FADS1: variants seen among roughly 807,000 people sequenced by gnomAD.
FADS1 encodes the protein acyl-CoA (8-3)-desaturase.
Under a neutral mutation model 61.6 loss-of-function variants are expected in FADS1, and 17 were observed. The ratio of observed to expected loss-of-function variants is 0.28; its 90% CI spans 0.19 to 0.41. The LOEUF is 0.41. Ranked by LOEUF, FADS1 falls within the 10% of genes least tolerant of loss-of-function variation. FADS1 has a pLI of 1.00. For missense variants in FADS1, 387 were observed against 650.9 expected (o/e 0.59, Z 4.41); for synonymous variants, 238 against 258.7 (o/e 0.92, Z 0.77).
At position 61,816,144 on chromosome 11, in the gene FADS1, G is replaced by A; in HGVS notation, c.375+411C>T. 1 of 934,448 alleles carries A rather than the reference G, an allele frequency of 1.1e-6. No individual in the cohort carries two copies. Among genetic ancestry groups the A allele is most frequent in the Non-Finnish European group, 1.6e-6 (1 of 637,116 alleles). The allele number at this position is 934,448 out of a possible 1,614,324, so 57.9% of individuals were successfully genotyped here. A position where few individuals can be genotyped will look rare whatever the true frequency, so the allele number is the denominator to read the frequency against. ...GGCTGCGCTGCCTCTCCTAGCCATC[G>A]AGACAGGATGTGACTCCCTCCCCTG... On this transcript the variant is annotated intron_variant, in intron 1 of 11. Coordinates refer to ENST00000350997, the MANE Select transcript of FADS1 (RefSeq NM_013402.7). This position sits in a 1 kb window ranked among gnomAD's most constrained non-coding sequence, Gnocchi z 7.0.
At chr11:61,812,287 G>A (rs1453541662) in intron 3 of FADS1, among the ~76,000 whole-genome samples, 184 bp downstream of exon 3, 2 of 152,304 alleles carry the variant, frequency 1.3e-5, no homozygotes, top group East Asian at 3.9e-4. Flanking sequence ...AAATGAAGAT[G>A]TCCATGTGGC....
At chr11:61,805,117 C>T in intron 6 of FADS1, 1 of 411,084 alleles carries the variant, frequency 2.4e-6, no homozygotes, top group Non-Finnish European at 4.3e-6. Context: ...TACATACACA[C>T]TCCAAGGATC....
At chr11:61,811,141 T>C in intron 3 of FADS1, 66 bp from the exon 4 acceptor site, 1 of 1,190,838 alleles carries the variant, frequency 8.4e-7, no homozygotes. Flanking sequence ...CTGACCTCGA[T>C]GCCTCCTTCA....
At position 61,803,291 on chromosome 11, in the gene FADS1, T is replaced by C. The variant is rs2066870376; in HGVS notation, c.1248+72A>G. ...ATGCTGTTTGGGGGACTTTTTGTTT[T>C]TGCTGTTTTCACCTACGCATCCTTT... is the stretch of plus-strand genomic sequence containing the variant. On this transcript the variant is annotated intron_variant, in intron 9 of 11. Coordinates refer to ENST00000350997, the MANE Select transcript of FADS1 (RefSeq NM_013402.7). This position sits in a 1 kb window ranked among gnomAD's most constrained non-coding sequence, Gnocchi z 4.3. 7.2e-7 allele frequency: 1 copy of C among 1,396,988 alleles called. No individual in the cohort carries two copies. The highest frequency in any genetic ancestry group is 1.7e-5 in the Admixed American group (1 of 59,540). The allele number at this position is 1,396,988 out of a possible 1,614,324, so 86.5% of individuals were successfully genotyped here.
Position 61,802,526 on chromosome 11 carries a change from G to A in FADS1, c.1455-64C>T, listed in dbSNP as rs1432406797. 10 of 1,445,412 alleles carry A rather than the reference G, an allele frequency of 6.9e-6. No individual in the cohort carries two copies. The East Asian group carries it at 1.7e-4, about 25-fold the overall frequency. 89.5% of individuals were successfully genotyped at this position (1,445,412 alleles called of 1,614,324 possible). The stretch of plus-strand genomic sequence containing the variant: ...AGCAGAGTTGAACCCACCGGAGATG[G>A]AGCAGTGAGGTTAAGGCCTTCTTCC... On this transcript the variant is annotated intron_variant, in intron 11 of 11. Transcript: ENST00000350997. The surrounding 1 kb of genome is among the most constrained non-coding windows in gnomAD (Gnocchi z 4.2).
Position 61,802,842 on chromosome 11 carries a change from G to A in FADS1, c.1413C>T (p.Tyr471=), listed in dbSNP as rs1193741781. The change falls in exon 11 of 12, where the codon TAC becomes TAT. Residue 471 remains tyrosine (Y), a synonymous_variant. Coordinates refer to ENST00000350997, the MANE Select transcript of FADS1 (RefSeq NM_013402.7). This position sits in a 1 kb window ranked among gnomAD's most constrained non-coding sequence, Gnocchi z 4.2. The stretch of plus-strand genomic sequence containing the variant: ...AGGCTGACAGCAGGGGCTTGGACTG[G>A]TACTCTATGCCATGCTTGGCACACA... ...QSLCAKHGIE[Y]QSKPLLSAFA... is the part of the protein sequence containing the mutation. The A allele has an allele frequency of 1.2e-6, 2 of 1,614,208 alleles. No individual in the cohort carries two copies. The highest frequency in any genetic ancestry group is 2.2e-5 in the South Asian group (2 of 91,080).
At chr11:61,809,253 A>G (rs573472084) in intron 5 of FADS1, among the ~76,000 whole-genome samples, 2 of 152,282 alleles carry the variant, frequency 1.3e-5, no homozygotes, top group South Asian at 2.1e-4. Flanking sequence ...TCTGATCATG[A>G]CTACCTCTCA....
At chr11:61,810,459 C>A (rs541764136) in intron 5 of FADS1, among the ~76,000 whole-genome samples, 30 of 152,290 alleles carry the variant, frequency 2.0e-4, no homozygotes, top group African/African-American at 7.2e-4. Context: ...CAAGGATAGG[C>A]TATCTCATCA....
rs1252647144 is a variant in FADS1, at chr11:61,801,028, T to C, written c.*1383A>G. 6.6e-6 allele frequency: 1 copy of C among 152,376 alleles called. No individual in the cohort carries two copies. Among genetic ancestry groups the C allele is most frequent in the Non-Finnish European group, 1.5e-5 (1 of 68,034 alleles). The allele number at this position is 152,376 out of a possible 1,614,324, so 9.4% of individuals were successfully genotyped here. A position where few individuals can be genotyped will look rare whatever the true frequency, so the allele number is the denominator to read the frequency against. On this transcript the variant is annotated 3_prime_UTR_variant, in exon 12 of 12. Coordinates refer to ENST00000350997, the MANE Select transcript of FADS1 (RefSeq NM_013402.7). ...TTGAACAAGAGTGGACAGAGTAAGATACCTAGCTACAGCAATAGAAATCAC... is the reference window on the plus strand; with the variant it reads ...TTGAACAAGAGTGGACAGAGTAAGACACCTAGCTACAGCAATAGAAATCAC...
chr11:61,812,854 A>T (rs2066941398), intron 2 of FADS1, among the ~76,000 whole-genome samples, 186 bp from the exon 3 acceptor site: 1 of 152,212 alleles, frequency 6.6e-6, no homozygotes, highest in African/African-American at 2.4e-5. Context: ...CTAAGAGTTC[A>T]GGGGACTAAG....
rs369746205 is a variant in FADS1 at position 61,813,890 on chromosome 11, C to CGGGG, written c.376-541_376-538dup. 2.5e-4 allele frequency among the ~76,000 whole-genome samples: 36 copies of CGGGG among 143,846 alleles called. 1 individual carries two copies. The highest frequency in any genetic ancestry group is 3.4e-3 in the Middle Eastern group (1 of 290). 94.4% of individuals were successfully genotyped at this position (143,846 alleles called of 152,430 possible). ...TGAGGCAGGAGAATGGCGTGAACCC[C>CGGGG]GGGGGAGGGCGGAGCCTGCAGTGAG... On this transcript the variant is annotated intron_variant, in intron 1 of 11. Transcript: ENST00000350997.
At chr11:61,812,427 G>T (rs769852777) in intron 3 of FADS1, 44 bp downstream of exon 3, 6 of 1,584,330 alleles carry the variant, frequency 3.8e-6, no homozygotes, top group Non-Finnish European at 5.2e-6. Context: ...TTTCCCCAGG[G>T]ATGCTGAGCA....
intron 3 of FADS1, chr11:61,811,882 C>A: frequency 2.3e-6 from 1 of 442,266 alleles, no homozygotes; most frequent in South Asian, 1.6e-5. Flanking sequence ...GCCACTGTGC[C>A]TGGCCTTTTT....
rs558786595 is a variant in FADS1 at position 61,803,073 on chromosome 11, A to G, written c.1287T>C (p.Asn429=). 1.2e-6 allele frequency: 2 copies of G among 1,614,176 alleles called. No homozygotes were observed. Among genetic ancestry groups the G allele is most frequent in the African/African-American group, 1.3e-5 (1 of 75,024 alleles). Residue 429 remains asparagine, a synonymous_variant, in exon 10 of 12, where the codon AAT becomes AAC. Transcript: ENST00000350997. This position sits in a 1 kb window ranked among gnomAD's most constrained non-coding sequence, Gnocchi z 4.3. ...AGTTGAGGTGTCCACTGAACCAGTCATTGAAGGCAGACTTGTGGACATTGC... is the reference window on the plus strand; with the variant it reads ...AGTTGAGGTGTCCACTGAACCAGTCGTTGAAGGCAGACTTGTGGACATTGC... ...ATCNVHKSAF[N]DWFSGHLNFQ...
In FADS1 at chr11:61,801,836, AC is replaced by A. The variant is rs1285701138; in HGVS notation, c.*574del. On this transcript the variant is annotated 3_prime_UTR_variant, in exon 12 of 12. Coordinates refer to ENST00000350997, the MANE Select transcript of FADS1 (RefSeq NM_013402.7). ...GTTTGCAAATGAGGATGGAGAAGCC[AC>A]TGAGAAATGGACCAGTGAGCTGAGC... 1 of 152,518 alleles carries A rather than the reference AC, an allele frequency of 6.6e-6. No homozygotes were observed. The highest frequency in any genetic ancestry group is 1.9e-4 in the East Asian group (1 of 5,322). The allele number at this position is 152,518 out of a possible 1,614,324, so 9.4% of individuals were successfully genotyped here.
At chr11:61,809,804 G>A (rs2066919303) in intron 5 of FADS1, among the ~76,000 whole-genome samples, 1 of 152,152 alleles carries the variant, frequency 6.6e-6, no homozygotes, top group Non-Finnish European at 1.5e-5. Flanking sequence ...GCTCATGATG[G>A]GAAAATAAGA....
chr11:61,812,694 ATTC>A (rs2066940348), intron 2 of FADS1, 26 bp from the exon 3 acceptor site: 4 of 1,599,230 alleles, frequency 2.5e-6, no homozygotes, highest in Non-Finnish European at 3.4e-6. Context: ...AGGAGCTGTT[ATTC>A]TTCTCATCTG....
rs752214888 is a variant in FADS1, at chr11:61,803,022, C to G, written c.1328+10G>C. 6.8e-6 allele frequency: 11 copies of G among 1,614,124 alleles called. No individual in the cohort carries two copies. Among genetic ancestry groups the G allele is most frequent in the South Asian group, 2.2e-5 (2 of 91,076 alleles). Reference sequence around the variant, plus strand: ...CCCCAGGACCCTGCTTCCCCAGGCTCCCTACTCACTGGTGCTCAATCTGGA... The same window carrying G: ...CCCCAGGACCCTGCTTCCCCAGGCTGCCTACTCACTGGTGCTCAATCTGGA... On this transcript the variant is annotated intron_variant, in intron 10 of 11. Coordinates refer to ENST00000350997, the MANE Select transcript of FADS1 (RefSeq NM_013402.7). The surrounding 1 kb of genome is among the most constrained non-coding windows in gnomAD (Gnocchi z 4.3).
intron 3 of FADS1, among the ~76,000 whole-genome samples, 199 bp downstream of exon 3, chr11:61,812,272 G>A (rs921154086): frequency 6.6e-6 from 1 of 152,216 alleles, no homozygotes; most frequent in African/African-American, 2.4e-5. Context: ...AAAAGGCAGT[G>A]AGAGAAATGA....
Sources: allele counts gnomAD v4.1 joint callset (sites outside exome capture counted in the v4.1 genomes callset), GRCh38; gene constraint gnomAD v4.1.1; non-coding constraint Gnocchi (gnomAD v3.1); transcripts MANE v1.5; gene names NCBI Gene and HGNC (gene_info 2026-07-23, HGNC 2026-07-21).